Variants in ESR1 observed in about 807,000 individuals in gnomAD.
ESR1 encodes the protein estrogen receptor.
Under a neutral mutation model 52.7 loss-of-function variants are expected in ESR1, and 12 were observed. The observed-to-expected ratio is 0.23, with a 90% confidence interval of 0.15 to 0.37. The LOEUF is 0.37. ESR1 is among the 10% of genes least tolerant of loss of function. The probability of loss-of-function intolerance (pLI) is 1.00; values close to 1 mark genes in which losing one functional copy is unlikely to be tolerated. For missense variants in ESR1, 584 were observed against 779.7 expected, an observed-to-expected ratio of 0.75 and a Z score of 2.99; for synonymous variants, 305 against 316.8, an observed-to-expected ratio of 0.96 and a Z score of 0.39.
intron 3 of ESR1, among the ~76,000 whole-genome samples, chr6:151,917,404 A>G (rs1395128515): frequency 6.6e-6 from 1 of 152,214 alleles, no homozygotes; most frequent in Non-Finnish European, 1.5e-5. Flanking sequence ...TTCTCAGCCC[A>G]TAAATTTTGT....
chr6:151,754,201 A>C (rs1365089773), intron 2 of ESR1, among the ~76,000 whole-genome samples: 1 of 152,234 alleles, frequency 6.6e-6, no homozygotes. Context: ...TTAAGAAAAA[A>C]GTCGCTTATA....
chr6:151,941,503 C>G (rs2035051818), intron 3 of ESR1, among the ~76,000 whole-genome samples: 2 of 151,940 alleles, frequency 1.3e-5, no homozygotes, highest in South Asian at 4.1e-4. Context: ...TTGCTTTTGA[C>G]ATTTTTTCTC....
intron 2 of ESR1, among the ~76,000 whole-genome samples, chr6:151,777,761 A>G (rs1025519634): frequency 1.3e-5 from 2 of 152,018 alleles, no homozygotes; most frequent in Non-Finnish European, 2.9e-5. Context: ...GGAGTTCGAG[A>G]CCAGCGTGGC....
At chr6:151,947,988 C>T (rs1281865103) in intron 4 of ESR1, among the ~76,000 whole-genome samples, 3 of 151,984 alleles carry the variant, frequency 2.0e-5, no homozygotes, top group African/African-American at 7.2e-5. Flanking sequence ...TAGCCTTATC[C>T]CTGGGTAGAA....
At chr6:151,885,872 T>C (rs1043147979) in intron 3 of ESR1, among the ~76,000 whole-genome samples, 3 of 152,056 alleles carry the variant, frequency 2.0e-5, no homozygotes, top group African/African-American at 4.8e-5. Flanking sequence ...AATATATAAA[T>C]AAACAAATAA....
chr6:151,910,583 A>G (rs1232385579), intron 3 of ESR1, among the ~76,000 whole-genome samples: 1 of 152,198 alleles, frequency 6.6e-6, no homozygotes, highest in Non-Finnish European at 1.5e-5. Context: ...TTGTCCCTCT[A>G]TAAAATGATG....
chr6:151,775,578 T>A (rs1196348389), intron 2 of ESR1, among the ~76,000 whole-genome samples: 1 of 151,716 alleles, frequency 6.6e-6, no homozygotes, highest in Non-Finnish European at 1.5e-5. Flanking sequence ...AAACCCTGTC[T>A]CTACTAAAAA....
At chr6:151,687,070 T>G (rs1291279214), upstream of ESR1, among the ~76,000 whole-genome samples, 1 of 152,130 alleles carries the variant, frequency 6.6e-6, no homozygotes, top group Non-Finnish European at 1.5e-5. Flanking sequence ...ATGACCTCAG[T>G]GCAGGTTTCC....
In ESR1 at chr6:151,959,986, T is replaced by C. The variant is rs147005713; in HGVS notation, c.1096+15478T>C. Among the ~76,000 whole-genome samples the C allele has an allele frequency of 2.0e-4, 30 of 152,304 alleles. No individual in the cohort carries two copies. In the East Asian group the frequency reaches 5.6e-3, roughly 28 times the overall value. The stretch of plus-strand genomic sequence containing the variant: ...ATCCATGGAGCCAATAGAATGTAAG[T>C]TCTATGAGGGCAGAAATTTTAATCC... On this transcript the variant is annotated intron_variant, in intron 4 of 7. Transcript: ENST00000206249.
At chr6:151,899,043 C>A (rs1418943422) in intron 3 of ESR1, among the ~76,000 whole-genome samples, 1 of 147,714 alleles carries the variant, frequency 6.8e-6, no homozygotes, top group Non-Finnish European at 1.5e-5. Flanking sequence ...ACCCCCACCT[C>A]CCTCCCGGAC....
chr6:152,080,476 C>A (rs909701078), intron 6 of ESR1, among the ~76,000 whole-genome samples: 2 of 152,156 alleles, frequency 1.3e-5, no homozygotes, highest in African/African-American at 2.4e-5. Flanking sequence ...CACCACCAGG[C>A]CTGCCTTAGA....
chr6:152,033,504 A>C (rs558315263), intron 5 of ESR1, among the ~76,000 whole-genome samples: 3 of 152,378 alleles, frequency 2.0e-5, no homozygotes, highest in African/African-American at 7.2e-5. Context: ...GACACTTCTC[A>C]AAAGAAGACA....
At chr6:151,770,618 G>A (rs923949362) in intron 2 of ESR1, among the ~76,000 whole-genome samples, 1 of 151,970 alleles carries the variant, frequency 6.6e-6, no homozygotes, top group Non-Finnish European at 1.5e-5. Context: ...AAGGTGATAC[G>A]GGATTTTGTC....
intron 4 of ESR1, among the ~76,000 whole-genome samples, chr6:151,973,322 A>G (rs1482456104): frequency 2.2e-5 from 3 of 138,322 alleles, no homozygotes; most frequent in Non-Finnish European, 4.8e-5. Flanking sequence ...TAGTAGAGCC[A>G]TTATATTCTG....
upstream of ESR1, among the ~76,000 whole-genome samples, chr6:151,686,317 G>A (rs367931335): frequency 3.9e-5 from 6 of 152,024 alleles, no homozygotes; most frequent in East Asian, 9.7e-4. Context: ...TCATATTATG[G>A]CTCCGTTGTC....
chr6:151,857,547 G>A (rs913357795), intron 2 of ESR1, among the ~76,000 whole-genome samples: 2 of 149,770 alleles, frequency 1.3e-5, no homozygotes, highest in Non-Finnish European at 3.0e-5. Flanking sequence ...TTTTTAATTC[G>A]AGACCAAGTC....
intron 2 of ESR1, among the ~76,000 whole-genome samples, chr6:151,856,329 C>T (rs1787821952): frequency 6.6e-6 from 1 of 152,152 alleles, no homozygotes; most frequent in South Asian, 2.1e-4. Flanking sequence ...GTAGGCTTAG[C>T]TTATACGCCA....
intron 6 of ESR1, among the ~76,000 whole-genome samples, chr6:152,076,850 A>T (rs1427794402): frequency 1.3e-5 from 2 of 152,202 alleles, no homozygotes; most frequent in African/African-American, 4.8e-5. Context: ...TCAAAAGGTG[A>T]CTTGGGTGTT....
At chr6:151,942,082 G>T (rs555130951) in intron 3 of ESR1, among the ~76,000 whole-genome samples, 28 of 152,320 alleles carry the variant, frequency 1.8e-4, no homozygotes, top group Admixed American at 1.6e-3. Flanking sequence ...GATGAGTTGA[G>T]AGTAGAGTGG....
Sources: gnomAD v4.1 joint callset for allele counts (sites outside exome capture counted in the v4.1 genomes callset) on GRCh38, gnomAD v4.1.1 for gene constraint, MANE v1.5 for transcripts, NCBI Gene and HGNC (gene_info 2026-07-23, HGNC 2026-07-21) for gene names.